Variants in MTUS2 observed in about 807,000 individuals in gnomAD.
MTUS2 encodes the protein microtubule-associated tumor suppressor candidate 2.
Under a neutral mutation model 114.1 loss-of-function variants are expected in MTUS2, and 40 were observed. The observed-to-expected ratio is 0.35, with a 90% CI of 0.27 to 0.46. The LOEUF is 0.46. Ranked by LOEUF, MTUS2 falls within the 20% of genes least tolerant of loss-of-function variation. The pLI is 1.00. For missense variants in MTUS2, 1,679 were observed against 1,705.4 expected, an observed-to-expected ratio of 0.98 and a Z score of 0.27; for synonymous variants, 688 against 672.0, an observed-to-expected ratio of 1.02 and a Z score of -0.37.
chr13:29,185,064 C>A (rs1894165517), intron 5 of MTUS2, among the ~76,000 whole-genome samples: 1 of 151,658 alleles, frequency 6.6e-6, no homozygotes, highest in Non-Finnish European at 1.5e-5. Context: ...TATAAAATAT[C>A]AAAAAAGATA....
At chr13:29,034,993 G>T (rs187832346) in intron 4 of MTUS2, among the ~76,000 whole-genome samples, 4 of 152,306 alleles carry the variant, frequency 2.6e-5, no homozygotes, top group Admixed American at 1.3e-4. Flanking sequence ...AGTTGAGTTT[G>T]TTTTGCAACA....
intron 8 of MTUS2, among the ~76,000 whole-genome samples, chr13:29,399,456 A>G (rs966999102): frequency 2.6e-5 from 4 of 152,182 alleles, no homozygotes; most frequent in Admixed American, 2.6e-4. Flanking sequence ...CGTTCAAACA[A>G]CTCTGACAGA....
chr13:29,446,718 C>T (rs1229837185), intron 9 of MTUS2, among the ~76,000 whole-genome samples: 1 of 152,144 alleles, frequency 6.6e-6, no homozygotes, highest in Non-Finnish European at 1.5e-5. Flanking sequence ...GATATTTATT[C>T]TGTAAATCAA....
At chr13:29,123,506 C>T (rs1891395029) in intron 5 of MTUS2, among the ~76,000 whole-genome samples, 1 of 152,132 alleles carries the variant, frequency 6.6e-6, no homozygotes. Flanking sequence ...CACTTGAGGT[C>T]AGGAGTTTGA....
intron 5 of MTUS2, among the ~76,000 whole-genome samples, chr13:29,228,306 C>T: frequency 6.6e-6 from 1 of 152,106 alleles, no homozygotes; most frequent in Non-Finnish European, 1.5e-5. Flanking sequence ...AAGTAAAATG[C>T]AAGAAAGTGT....
intron 9 of MTUS2, among the ~76,000 whole-genome samples, chr13:29,467,345 A>G (rs751608988): frequency 6.6e-6 from 1 of 152,230 alleles, no homozygotes; most frequent in Non-Finnish European, 1.5e-5. Context: ...ATAAAATTAA[A>G]AATCATTTTT....
chr13:29,292,060 G>A (rs1393102348), intron 6 of MTUS2, among the ~76,000 whole-genome samples: 3 of 152,188 alleles, frequency 2.0e-5, no homozygotes, highest in Non-Finnish European at 4.4e-5. Flanking sequence ...CAATTAAAAA[G>A]CAGAAGGTAG....
intron 4 of MTUS2, among the ~76,000 whole-genome samples, chr13:29,094,247 T>TG (rs1190570036): frequency 3.3e-5 from 5 of 151,888 alleles, no homozygotes; most frequent in Admixed American, 1.3e-4. Context: ...TTTTTTTGGG[T>TG]GGGGGGTGTA....
intron 2 of MTUS2, among the ~76,000 whole-genome samples, chr13:28,959,520 C>T (rs1022272879): frequency 2.6e-5 from 3 of 114,602 alleles, no homozygotes; most frequent in African/African-American, 9.9e-5. Flanking sequence ...GGCTCATGGT[C>T]TGCAGGCTGT....
chr13:28,977,159 G>C (rs183898224), intron 2 of MTUS2, among the ~76,000 whole-genome samples: 17 of 152,264 alleles, frequency 1.1e-4, no homozygotes, highest in South Asian at 4.1e-4. Flanking sequence ...GGGTCATTGC[G>C]GGGGAGAGGG....
At chr13:29,294,853 G>C (rs1418412973) in intron 6 of MTUS2, among the ~76,000 whole-genome samples, 1 of 152,232 alleles carries the variant, frequency 6.6e-6, no homozygotes, top group Non-Finnish European at 1.5e-5. Context: ...AATTGATGCA[G>C]TATGGCTCAG....
chr13:28,849,364 C>T (rs915607954), intron 2 of MTUS2, among the ~76,000 whole-genome samples: 1 of 152,186 alleles, frequency 6.6e-6, no homozygotes, highest in Admixed American at 6.5e-5. Flanking sequence ...ACTCTAGCAT[C>T]AGCTTTTTTG....
chr13:29,089,706 A>G (rs1291974031), intron 4 of MTUS2, among the ~76,000 whole-genome samples: 1 of 152,152 alleles, frequency 6.6e-6, no homozygotes, highest in East Asian at 1.9e-4. Flanking sequence ...AAGCTCTGAC[A>G]TTCTTTCCTC....
chr13:28,874,472 G>A (rs1313039253), intron 2 of MTUS2, among the ~76,000 whole-genome samples: 1 of 152,132 alleles, frequency 6.6e-6, no homozygotes, highest in Non-Finnish European at 1.5e-5. Context: ...CTCGCTTTTA[G>A]GATCTCTCAG....
intron 2 of MTUS2, among the ~76,000 whole-genome samples, chr13:28,941,788 C>T (rs902646420): frequency 5.3e-5 from 8 of 151,942 alleles, no homozygotes; most frequent in Non-Finnish European, 7.4e-5. Flanking sequence ...GGAATTATAC[C>T]GATGAGCTTT....
intron 2 of MTUS2, among the ~76,000 whole-genome samples, chr13:28,852,352 C>T (rs1292125888): frequency 2.6e-5 from 4 of 152,024 alleles, no homozygotes; most frequent in African/African-American, 9.7e-5. Flanking sequence ...CCGTTATTTC[C>T]CCACACCTTG....
intron 2 of MTUS2, among the ~76,000 whole-genome samples, chr13:28,928,474 A>C (rs528626753): frequency 3.3e-4 from 51 of 152,360 alleles, no homozygotes; most frequent in African/African-American, 1.1e-3. Context: ...AAGAAGACAT[A>C]CAAATGGCCA....
At position 29,026,463 on chromosome 13, in the gene MTUS2, G is replaced by A. The variant is rs748812707; in HGVS notation, c.1765G>A (p.Asp589Asn). 6 of 1,613,832 alleles carry A rather than the reference G, an allele frequency of 3.7e-6. No individual in the cohort carries two copies. Among genetic ancestry groups the A allele is most frequent in the Non-Finnish European group, 4.2e-6 (5 of 1,179,888 alleles). Residue 589 changes from aspartate (D) to asparagine (N), a missense_variant, in exon 3 of 16, where the codon GAC (aspartate) becomes AAC (asparagine). Transcript: ENST00000612955. ...GTTGAACACGTCCCCCAAAGTGCCTGACAAGAACACTTGCCCCAGTGGGAT... is the reference window on the plus strand; with the variant it reads ...GTTGAACACGTCCCCCAAAGTGCCTAACAAGAACACTTGCCCCAGTGGGAT... ...RLLNTSPKVPDKNTCPSGIPK... is the reference protein window; with the variant it reads ...RLLNTSPKVPNKNTCPSGIPK...
chr13:29,380,213 C>T (rs918669672), intron 8 of MTUS2, among the ~76,000 whole-genome samples: 5 of 152,184 alleles, frequency 3.3e-5, no homozygotes, highest in African/African-American at 1.2e-4. Flanking sequence ...TCTCAAGGCA[C>T]CCCTGCTCCA....
Sources: gnomAD v4.1 joint callset for allele counts (sites outside exome capture counted in the v4.1 genomes callset) on GRCh38, gnomAD v4.1.1 for gene constraint, MANE v1.5 for transcripts, NCBI Gene and HGNC (gene_info 2026-07-23, HGNC 2026-07-21) for gene names.